MACC1: variants seen among roughly 807,000 people sequenced by gnomAD.
MACC1 encodes the protein metastasis-associated in colon cancer protein 1.
MACC1 carries 79 observed loss-of-function variants against 70.7 expected under a neutral mutation model. The observed-to-expected ratio is 1.12, with a 90% confidence interval of 0.93 to 1.35. The LOEUF is 1.35. Ranked by LOEUF, MACC1 falls within the 40% of genes most tolerant of loss-of-function variation. The pLI is 0.00. For missense variants in MACC1, 1,106 were observed against 978.1 expected, an observed-to-expected ratio of 1.13 and a Z score of -1.74; for synonymous variants, 361 against 347.2, an observed-to-expected ratio of 1.04 and a Z score of -0.44.
At chr7:20,156,187 T>C (rs1366464602) in intron 5 of MACC1, among the ~76,000 whole-genome samples, 1 of 152,146 alleles carries the variant, frequency 6.6e-6, no homozygotes, top group Non-Finnish European at 1.5e-5. Context: ...TATACAATCC[T>C]AGAAAAATGT....
At chr7:20,155,799 T>C (rs1031681429) in intron 5 of MACC1, among the ~76,000 whole-genome samples, 1 of 152,182 alleles carries the variant, frequency 6.6e-6, no homozygotes, top group African/African-American at 2.4e-5. Flanking sequence ...GAAACAATAC[T>C]GAGCTAGCGG....
At chr7:20,179,569 T>A (rs1025346290) in intron 1 of MACC1, among the ~76,000 whole-genome samples, 3 of 152,248 alleles carry the variant, frequency 2.0e-5, no homozygotes, top group African/African-American at 4.8e-5. Flanking sequence ...GCAAAAAGCC[T>A]GGTGAACAGT....
At position 20,138,437 on chromosome 7, in the gene MACC1, A is replaced by G. The variant is rs2128099154; in HGVS notation, c.*2509T>C. 6.6e-6 allele frequency: 1 copy of G among 152,234 alleles called. No homozygotes were observed. Among genetic ancestry groups the G allele is most frequent in the South Asian group, 2.1e-4 (1 of 4,826 alleles). The allele number at this position is 152,234 out of a possible 1,614,324, so 9.4% of individuals were successfully genotyped here. On this transcript the variant is annotated 3_prime_UTR_variant, in exon 7 of 7. Transcript: ENST00000400331. ...TGGAAAAACCCAGTTATTAATCCCCACTATCCCTTCCCAAAATTCTCTGGT... is the reference window on the plus strand; with the variant it reads ...TGGAAAAACCCAGTTATTAATCCCCGCTATCCCTTCCCAAAATTCTCTGGT...
intron 2 of MACC1, among the ~76,000 whole-genome samples, chr7:20,169,499 A>G (rs959686346): frequency 2.0e-5 from 3 of 152,164 alleles, no homozygotes; most frequent in African/African-American, 4.8e-5. Context: ...CCTCACTTGC[A>G]TGGTCTTTTC....
intron 1 of MACC1, among the ~76,000 whole-genome samples, chr7:20,190,755 G>T (rs1421920547): frequency 1.3e-5 from 2 of 152,146 alleles, no homozygotes; most frequent in Non-Finnish European, 2.9e-5. Flanking sequence ...GCCTGCCTGT[G>T]AACTGTTAAT....
At chr7:20,164,976 T>C (rs1467225951) in intron 2 of MACC1, among the ~76,000 whole-genome samples, 3 of 151,018 alleles carry the variant, frequency 2.0e-5, no homozygotes, top group African/African-American at 7.3e-5. Context: ...ATATGAAAAA[T>C]AGTTATAACC....
At chr7:20,183,110 T>A (rs983945226) in intron 1 of MACC1, among the ~76,000 whole-genome samples, 2 of 152,328 alleles carry the variant, frequency 1.3e-5, no homozygotes, top group South Asian at 2.1e-4. Flanking sequence ...TGACATTGTA[T>A]GGCAAAAGGG....
intron 1 of MACC1, among the ~76,000 whole-genome samples, chr7:20,189,090 T>C (rs772258875): frequency 1.3e-5 from 2 of 152,180 alleles, no homozygotes; most frequent in Non-Finnish European, 2.9e-5. Flanking sequence ...AAACACTCTT[T>C]CCCCTGATAT....
intron 1 of MACC1, among the ~76,000 whole-genome samples, chr7:20,214,694 G>A (rs1005148561): frequency 2.0e-5 from 3 of 152,078 alleles, no homozygotes; most frequent in Admixed American, 6.6e-5. Context: ...GCTTAAACAA[G>A]TGTTTGGAGA....
chr7:20,167,840 T>C (rs1199116036), intron 2 of MACC1, among the ~76,000 whole-genome samples: 2 of 152,276 alleles, frequency 1.3e-5, no homozygotes, highest in South Asian at 2.1e-4. Context: ...ATGCTTGGTG[T>C]AATGCTCTGC....
intron 1 of MACC1, among the ~76,000 whole-genome samples, chr7:20,191,365 G>C (rs1782669839): frequency 6.6e-6 from 1 of 152,184 alleles, no homozygotes; most frequent in African/African-American, 2.4e-5. Flanking sequence ...TGTTAGTTTG[G>C]GGAGCATGGA....
chr7:20,141,145 G>C lies in MACC1; in HGVS notation c.2360C>G (p.Pro787Arg), dbSNP rs1781794696. ...CCAGGTATACAGAAAATCATAGGCAGGTTTCCACATCATCTATAAAGAAAA... is the reference window on the plus strand; with the variant it reads ...CCAGGTATACAGAAAATCATAGGCACGTTTCCACATCATCTATAAAGAAAA... ...GDVAVEMMWK[P>R]AYDFLYTWSA... Residue 787 changes from proline to arginine, a missense_variant, in exon 7 of 7, where the codon CCT becomes CGT. By Grantham distance (103) the Pro-to-Arg change is moderately radical. Coordinates refer to ENST00000400331, the MANE Select transcript of MACC1 (RefSeq NM_182762.4). 1 of 1,594,284 alleles carries C rather than the reference G, an allele frequency of 6.3e-7. No individual in the cohort carries two copies. Among genetic ancestry groups the C allele is most frequent in the Non-Finnish European group, 8.5e-7 (1 of 1,172,730 alleles).
Sources: gnomAD v4.1 joint callset for allele counts (sites outside exome capture counted in the v4.1 genomes callset) on GRCh38, gnomAD v4.1.1 for gene constraint, MANE v1.5 for transcripts, NCBI Gene and HGNC (gene_info 2026-07-23, HGNC 2026-07-21) for gene names.